FRMPD3: variants seen among roughly 807,000 people sequenced by gnomAD.
FRMPD3 encodes the protein FERM and PDZ domain containing 3.
A neutral mutation model predicts 97.9 loss-of-function variants in FRMPD3; 42 were observed. That is an observed-to-expected ratio of 0.43 (90% confidence interval 0.34 to 0.55). The LOEUF (loss-of-function observed/expected upper bound fraction) is 0.55. Among genes scored for constraint, FRMPD3 ranks in the 20% least tolerant of loss-of-function variants. FRMPD3 has a pLI of 0.03. For synonymous variants in FRMPD3, 577 were observed against 581.1 expected, an observed-to-expected ratio of 0.99 and a Z score of 0.10; for missense variants, 1,303 against 1,457.7, an observed-to-expected ratio of 0.89 and a Z score of 1.73.
At chrX:107,500,622 C>T (rs144476263) in intron 1 of FRMPD3, among the ~76,000 whole-genome samples, 1,269 of 110,750 alleles carry the variant, frequency 0.011, 22 homozygotes, top group African/African-American at 0.039. Flanking sequence ...GGTGAAACCC[C>T]GTCTCTACTA....
At chrX:107,475,752 G>C (rs1335511569) in intron 1 of FRMPD3, among the ~76,000 whole-genome samples, 2 of 112,441 alleles carry the variant, frequency 1.8e-5, no homozygotes, top group African/African-American at 6.5e-5. Flanking sequence ...TTAGAACACC[G>C]AATTCTAGGA....
rs776165888 is a variant in FRMPD3, at chrX:107,601,792, G to A, written c.3753G>A (p.Glu1251=). Residue 1251 remains glutamate (E), a synonymous_variant, in exon 15 of 15, where the codon GAG becomes GAA. Coordinates refer to ENST00000683843, the MANE Select transcript of FRMPD3 (RefSeq NM_001388459.1). The stretch of plus-strand genomic sequence containing the variant: ...AGCAGTATGAACTGGAGTTCCTTGA[G>A]GAACTTCTAAAGCCACCAAGCCAGG... ...KVKQYELEFL[E]ELLKPPSQGE... 8.3e-7 allele frequency: 1 copy of A among 1,211,051 alleles called. No homozygotes were observed. The highest frequency in any genetic ancestry group is 3.0e-5 in the East Asian group (1 of 33,843).
intron 8 of FRMPD3, among the ~76,000 whole-genome samples, chrX:107,559,443 G>A (rs1465957995): frequency 8.9e-6 from 1 of 112,024 alleles, no homozygotes; most frequent in African/African-American, 3.2e-5. Context: ...TGGATACCAA[G>A]GGAAAACTGT....
At chrX:107,509,955 TGCTATCTAAAA>T (rs1922126248) in intron 1 of FRMPD3, among the ~76,000 whole-genome samples, 2 of 111,442 alleles carry the variant, frequency 1.8e-5, no homozygotes, top group South Asian at 7.7e-4. Flanking sequence ...AATGAATGAA[TGCTATCTAAAA>T]GCTGGTGGAG....
intron 1 of FRMPD3, among the ~76,000 whole-genome samples, chrX:107,516,225 A>G (rs1426553336): frequency 5.4e-5 from 6 of 110,202 alleles, no homozygotes; most frequent in South Asian, 4.0e-4. Context: ...TTATGGCTGC[A>G]TAGTATTCCA....
chrX:107,603,254 C>A lies in FRMPD3; in HGVS notation c.5215C>A (p.Gln1739Lys), dbSNP rs1193117091. The A allele has an allele frequency of 6.1e-6, 7 of 1,141,177 alleles. No homozygotes were observed. The highest frequency in any genetic ancestry group is 7.0e-6 in the Non-Finnish European group (6 of 860,121). The allele number at this position is 1,141,177 out of a possible 1,213,427, so 94.0% of individuals were successfully genotyped here. ...ACAGCAGCAGCAACAACAACAGCAG[C>A]AGCAGCAGCAGCAGGTGGCAGCAGC... is the stretch of plus-strand genomic sequence containing the variant. The part of the protein sequence containing the change: ...QQQQQQQQQQ[Q>K]QQQQVAAAAG... The change falls in exon 15 of 15, where the codon CAG becomes AAG. Residue 1739 changes from glutamine to lysine, a missense_variant. Transcript: ENST00000683843.
In FRMPD3 at chrX:107,603,762, C is replaced by A. The variant is rs922541110; in HGVS notation, c.*389C>A. 7.0e-6 allele frequency: 1 copy of A among 142,220 alleles called. No individual in the cohort carries two copies. Among genetic ancestry groups the A allele is most frequent in the Admixed American group, 7.5e-5 (1 of 13,291 alleles). The allele number at this position is 142,220 out of a possible 1,213,427, so 11.7% of individuals were successfully genotyped here. A position where few individuals can be genotyped will look rare whatever the true frequency, so the allele number is the denominator to read the frequency against. ...CAAGCGGACCCTCAGGCTTTGAGCT[C>A]CTCGTGGCATCGGCTCCCCTGCTGG... is the stretch of plus-strand genomic sequence containing the variant. On this transcript the variant is annotated 3_prime_UTR_variant, in exon 15 of 15. Transcript: ENST00000683843.
Position 107,466,315 on chromosome X carries a change from G to A in FRMPD3, c.-8+16310G>A, listed in dbSNP as rs149042585. 7.4e-3 allele frequency among the ~76,000 whole-genome samples: 834 copies of A among 112,655 alleles called. 4 individuals are homozygous for A. Among genetic ancestry groups the A allele is most frequent in the African/African-American group, 0.021 (666 of 31,035 alleles). ...TGGAGATGAGGACCAGACAGGGAAT[G>A]CTGGAGACCAGCTCCCCCAACCTCA... is the stretch of plus-strand genomic sequence containing the variant. On this transcript the variant is annotated intron_variant, in intron 1 of 14. Transcript: ENST00000683843.
rs1420236235 is a variant in FRMPD3, at chrX:107,466,210, A to G, written c.-8+16205A>G. ...GCAGAAATGGGACAGGGACAGGTGA[A>G]TTTTGTTTTGTGGGGAGGTTGTGCA... On this transcript the variant is annotated intron_variant, in intron 1 of 14. Coordinates refer to ENST00000683843, the MANE Select transcript of FRMPD3 (RefSeq NM_001388459.1). Among the ~76,000 whole-genome samples, 4 of 112,534 alleles carry G rather than the reference A, an allele frequency of 3.6e-5. No homozygotes were observed. In the East Asian group the frequency reaches 1.1e-3, roughly 31 times the overall value.
intron 1 of FRMPD3, among the ~76,000 whole-genome samples, chrX:107,450,623 G>A (rs1931270946): frequency 9.3e-6 from 1 of 107,581 alleles, no homozygotes; most frequent in African/African-American, 3.4e-5. Flanking sequence ...GAGAGAGCGC[G>A]AGCTACACTT....
At chrX:107,499,021 C>T (rs1412849048) in intron 1 of FRMPD3, among the ~76,000 whole-genome samples, 2 of 110,500 alleles carry the variant, frequency 1.8e-5, no homozygotes, top group Admixed American at 9.6e-5. Context: ...CTCTCCCCTC[C>T]GGTTCATTCA....
intron 1 of FRMPD3, among the ~76,000 whole-genome samples, chrX:107,497,819 G>T (rs368586679): frequency 7.3e-4 from 82 of 112,321 alleles, no homozygotes; most frequent in African/African-American, 2.5e-3. Context: ...TTTGCAATTT[G>T]TTGGCAAATC....
At position 107,560,334 on chromosome X, in the gene FRMPD3, C is replaced by A. The variant is rs759848137; in HGVS notation, c.840C>A (p.His280Gln). The A allele has an allele frequency of 8.3e-7, 1 of 1,206,615 alleles. No homozygotes were observed. The highest frequency in any genetic ancestry group is 1.8e-5 in the African/African-American group (1 of 56,496). Residue 280 changes from histidine (H) to glutamine (Q), a missense_variant, in exon 9 of 15, where the codon CAC (histidine) becomes CAA (glutamine). By Grantham distance (24) the His-to-Gln change is conservative. This residue lies in a region of FRMPD3 where 535 missense variants were observed against 618.6 expected (regional missense o/e 0.86). Coordinates refer to ENST00000683843, the MANE Select transcript of FRMPD3 (RefSeq NM_001388459.1). The stretch of plus-strand genomic sequence containing the variant: ...TGCTTTTGGGCCTTGCTGCGCTCCA[C>A]ATCTATATCACTGTCTCAGCCACTC... ...PEMLLGLAAL[H>Q]IYITVSATRP...
At chrX:107,456,272 C>A (rs943980648) in intron 1 of FRMPD3, among the ~76,000 whole-genome samples, 1 of 110,559 alleles carries the variant, frequency 9.0e-6, no homozygotes, top group Non-Finnish European at 1.9e-5. Flanking sequence ...TGGGCTCAAG[C>A]AATCCTCCCA....
chrX:107,457,926 T>TCAAA lies in FRMPD3; in HGVS notation c.-8+7924_-8+7927dup, dbSNP rs752850273. 8.1e-5 allele frequency among the ~76,000 whole-genome samples: 9 copies of TCAAA among 111,715 alleles called. No individual in the cohort carries two copies. In the East Asian group the frequency reaches 2.3e-3, roughly 28 times the overall value. ...GCGTACATTTATTCTCTCAAGTTAA[T>TCAAA]CAAACACTGGCCCCTACAGCCCATT... On this transcript the variant is annotated intron_variant, in intron 1 of 14. Coordinates refer to ENST00000683843, the MANE Select transcript of FRMPD3 (RefSeq NM_001388459.1).
chrX:107,549,334 AAG>A (rs1921754752), intron 5 of FRMPD3, among the ~76,000 whole-genome samples: 1 of 110,850 alleles, frequency 9.0e-6, no homozygotes, highest in Non-Finnish European at 1.9e-5. Context: ...AAAAAAGAAA[AAG>A]AAAAAAAAAA....
chrX:107,580,645 T>C (rs1282587599), intron 13 of FRMPD3, among the ~76,000 whole-genome samples: 1 of 111,548 alleles, frequency 9.0e-6, no homozygotes, highest in Non-Finnish European at 1.9e-5. Context: ...ACCTGGTACA[T>C]CCCCAGGACC....
chrX:107,511,786 C>T (rs1922172566), intron 1 of FRMPD3, among the ~76,000 whole-genome samples: 2 of 112,325 alleles, frequency 1.8e-5, no homozygotes, highest in African/African-American at 6.5e-5. Context: ...GTTTACAGTT[C>T]GGCCTTTGAC....
chrX:107,544,332 A>G (rs1921475942), intron 4 of FRMPD3, among the ~76,000 whole-genome samples: 1 of 111,674 alleles, frequency 9.0e-6, no homozygotes, highest in Admixed American at 9.5e-5. Context: ...CAGCATGATG[A>G]CTATAGTTAA....
Sources: allele counts gnomAD v4.1 joint callset (sites outside exome capture counted in the v4.1 genomes callset), GRCh38; gene constraint gnomAD v4.1.1; regional missense constraint gnomAD v4.1.1; transcripts MANE v1.5; gene names NCBI Gene and HGNC (gene_info 2026-07-23, HGNC 2026-07-21).